DGKI: variants seen among roughly 807,000 people sequenced by gnomAD.
DGKI encodes the protein DAG kinase iota.
Under a neutral mutation model 147.5 loss-of-function variants are expected in DGKI, and 55 were observed. The ratio of observed to expected loss-of-function variants is 0.37; its 90% CI spans 0.30 to 0.47. The LOEUF is 0.47. Ranked by LOEUF, DGKI falls within the 20% of genes least tolerant of loss-of-function variation. The pLI is 1.00. For synonymous variants in DGKI, 469 were observed against 477.1 expected (o/e 0.98, Z 0.22); for missense variants, 1,007 against 1,323.8 (o/e 0.76, Z 3.71).
At position 137,617,561 on chromosome 7, in the gene DGKI, G is replaced by A. The variant is rs376322697; in HGVS notation, c.993+2263C>T. 1.9e-4 allele frequency among the ~76,000 whole-genome samples: 29 copies of A among 152,170 alleles called. 1 individual carries two copies. The South Asian group carries it at 5.2e-3, about 27-fold the overall frequency. On this transcript the variant is annotated intron_variant, in intron 8 of 32. Transcript: ENST00000614521. ...CTAAGTGGTATGCTGTCTAATGTTTGTTTTAAAATACTCTAGTTAAAGAAA... is the reference window on the plus strand; with the variant it reads ...CTAAGTGGTATGCTGTCTAATGTTTATTTTAAAATACTCTAGTTAAAGAAA...
intron 1 of DGKI, among the ~76,000 whole-genome samples, chr7:137,834,933 T>C (rs922540946): frequency 6.6e-6 from 1 of 152,174 alleles, no homozygotes; most frequent in Admixed American, 6.5e-5. Context: ...TTCACACACA[T>C]ACCCATTGGG....
chr7:137,496,181 C>T (rs1209516620), intron 21 of DGKI, among the ~76,000 whole-genome samples: 1 of 151,488 alleles, frequency 6.6e-6, no homozygotes, highest in African/African-American at 2.4e-5. Context: ...AAACTGAGAA[C>T]AAAATAAAAA....
Position 137,689,876 on chromosome 7 carries a change from G to T in DGKI, c.510+18C>A, listed in dbSNP as rs749218469. 4.7e-6 allele frequency: 7 copies of T among 1,488,044 alleles called. No homozygotes were observed. In the East Asian group the frequency reaches 9.8e-5, roughly 21 times the overall value. 92.2% of individuals were successfully genotyped at this position (1,488,044 alleles called of 1,614,324 possible). A position where few individuals can be genotyped will look rare whatever the true frequency, so the allele number is the denominator to read the frequency against. ...ACATGCACTGAAGTGATGTTTAAAT[G>T]AAAAGGCCAACACCTACACTCCAGT... On this transcript the variant is annotated intron_variant, in intron 2 of 32. Transcript: ENST00000614521.
chr7:137,493,766 C>T (rs1585168522), intron 21 of DGKI: 1 of 701,852 alleles, frequency 1.4e-6, no homozygotes, highest in African/African-American at 1.7e-5. Flanking sequence ...ACTCAAAAAG[C>T]CAGAGAGTCT....
intron 23 of DGKI, among the ~76,000 whole-genome samples, chr7:137,471,906 C>T (rs1195259072): frequency 7.0e-6 from 1 of 143,666 alleles, no homozygotes; most frequent in Non-Finnish European, 1.5e-5. Context: ...TAGTCTCTCT[C>T]TTGCTCTCTA....
intron 21 of DGKI, chr7:137,493,668 A>G (rs928722613): frequency 2.9e-6 from 2 of 682,816 alleles, no homozygotes; most frequent in African/African-American, 3.6e-5. Context: ...AACAAAAACC[A>G]AAAAAACATC....
intron 8 of DGKI, 28 bp from the exon 9 acceptor site, chr7:137,609,637 C>T: frequency 6.3e-7 from 1 of 1,577,714 alleles, no homozygotes; most frequent in Non-Finnish European, 8.7e-7. Context: ...AATGCCTGAG[C>T]TCAGAGGCAG....
chr7:137,630,995 A>G lies in DGKI; in HGVS notation c.805-7441T>C, dbSNP rs528074572. Among the ~76,000 whole-genome samples, 7 of 151,346 alleles carry G rather than the reference A, an allele frequency of 4.6e-5. No homozygotes were observed. In the East Asian group the frequency reaches 1.2e-3, roughly 25 times the overall value. ...TATTCACAAAGCAGGGTTTTTTTTGAAAAAAAGACTAGTTAAAATAGTTTA... is the reference window on the plus strand; with the variant it reads ...TATTCACAAAGCAGGGTTTTTTTTGGAAAAAAGACTAGTTAAAATAGTTTA... On this transcript the variant is annotated intron_variant, in intron 6 of 32. Transcript: ENST00000614521.
intron 1 of DGKI, among the ~76,000 whole-genome samples, chr7:137,786,131 G>A (rs1249136900): frequency 6.6e-6 from 1 of 152,066 alleles, no homozygotes; most frequent in Non-Finnish European, 1.5e-5. Context: ...GAGCAATCAG[G>A]CAAGAGAAAG....
At chr7:137,723,928 T>G (rs528707335) in intron 1 of DGKI, among the ~76,000 whole-genome samples, 1 of 152,044 alleles carries the variant, frequency 6.6e-6, no homozygotes, top group South Asian at 2.1e-4. Context: ...CAGGATAGTC[T>G]CGATCTCCTG....
Position 137,401,818 on chromosome 7 carries a change from G to A in DGKI, c.2921-4405C>T, listed in dbSNP as rs146980127. Reference sequence around the variant, plus strand: ...TATAAAATCCCTATTGAGGAGATATGGGTGCAGATTTCTCCATGAAAATTT... The same window carrying A: ...TATAAAATCCCTATTGAGGAGATATAGGTGCAGATTTCTCCATGAAAATTT... On this transcript the variant is annotated intron_variant, in intron 30 of 32. Coordinates refer to ENST00000614521, the MANE Select transcript of DGKI (RefSeq NM_001321708.2). Among the ~76,000 whole-genome samples, 422 of 152,290 alleles carry A rather than the reference G, an allele frequency of 2.8e-3. 6 individuals are homozygous for A. The highest frequency in any genetic ancestry group is 8.4e-3 in the African/African-American group (349 of 41,560).
chr7:137,684,946 C>T (rs376320783), intron 2 of DGKI, among the ~76,000 whole-genome samples: 7 of 152,276 alleles, frequency 4.6e-5, no homozygotes, highest in East Asian at 1.9e-4. Context: ...CGCACAAACA[C>T]GCATGCACAC....
intron 27 of DGKI, among the ~76,000 whole-genome samples, chr7:137,460,429 G>T (rs191890850): frequency 6.6e-6 from 1 of 152,236 alleles, no homozygotes; most frequent in East Asian, 1.9e-4. Flanking sequence ...CAATATGAAT[G>T]AATTTCAAAA....
At chr7:137,570,849 A>T (rs538924203) in intron 19 of DGKI, among the ~76,000 whole-genome samples, 28 of 152,192 alleles carry the variant, frequency 1.8e-4, no homozygotes, top group Non-Finnish European at 3.8e-4. Context: ...TCGGCCTCCC[A>T]AAGTGCTGGG....
In DGKI at chr7:137,496,487, C is replaced by T. The variant is rs116562552; in HGVS notation, c.2249-8798G>A. Among the ~76,000 whole-genome samples the T allele has an allele frequency of 5.6e-3, 850 of 151,738 alleles. 6 individuals are homozygous for T. Among genetic ancestry groups the T allele is most frequent in the African/African-American group, 0.02 (811 of 41,424 alleles). On this transcript the variant is annotated intron_variant, in intron 21 of 32. Transcript: ENST00000614521. The stretch of plus-strand genomic sequence containing the variant: ...TAAAAATCATATGAACCAAAAAAAT[C>T]CCAAATAGCCAAGGAAATAATAATA...
intron 1 of DGKI, among the ~76,000 whole-genome samples, chr7:137,756,456 G>A (rs1795685865): frequency 6.6e-6 from 1 of 152,238 alleles, no homozygotes; most frequent in South Asian, 2.1e-4. Flanking sequence ...ATGAGGGAAT[G>A]ATTATAATGA....
intron 19 of DGKI, among the ~76,000 whole-genome samples, chr7:137,570,282 T>C (rs1264677984): frequency 6.6e-6 from 1 of 152,200 alleles, no homozygotes; most frequent in African/African-American, 2.4e-5. Context: ...TAAGCAGGAA[T>C]GCATGGCTAA....
intron 6 of DGKI, among the ~76,000 whole-genome samples, chr7:137,637,573 C>G (rs1323822570): frequency 6.6e-6 from 1 of 152,220 alleles, no homozygotes; most frequent in Non-Finnish European, 1.5e-5. Context: ...TACTTTTAGA[C>G]TTACCTGACT....
chr7:137,638,640 A>ATACACACATATGTATGTATATG (rs1563126060), intron 6 of DGKI, among the ~76,000 whole-genome samples: 1 of 40,270 alleles, frequency 2.5e-5, no homozygotes, highest in South Asian at 1.1e-3. Context: ...GTGTGTATAT[A>ATACACACATATGTATGTATATG]TGTGTATGTA....
Sources: allele counts gnomAD v4.1 joint callset (sites outside exome capture counted in the v4.1 genomes callset), GRCh38; gene constraint gnomAD v4.1.1; transcripts MANE v1.5; gene names NCBI Gene and HGNC (gene_info 2026-07-23, HGNC 2026-07-21).